Variants in CCL26 observed in about 807,000 individuals in gnomAD.
CCL26 encodes the protein C-C motif chemokine ligand 26, also known as C-C motif chemokine 26.
Under a neutral mutation model 10.7 loss-of-function variants are expected in CCL26, and 10 were observed. That is an observed-to-expected ratio of 0.93 (90% CI 0.57 to 1.58). The LOEUF (loss-of-function observed/expected upper bound fraction) is 1.58. Ranked by LOEUF, CCL26 falls within the 40% of genes most tolerant of loss-of-function variation. The probability of loss-of-function intolerance (pLI) is 0.00; values close to 1 mark genes in which losing one functional copy is unlikely to be tolerated. For missense variants in CCL26, 116 were observed against 111.0 expected (o/e 1.05, Z -0.20); for synonymous variants, 43 against 41.4 (o/e 1.04, Z -0.15).
In CCL26 at chr7:75,788,278, T is replaced by C. The variant is rs532089894; in HGVS notation, c.-79+1439A>G. ...CAAAAGAAGTGAAAATGGCCTGTTC[T>C]TGCCTTAATTGATGACATTACCTTG... On this transcript the variant is annotated intron_variant, in intron 1 of 3. Transcript: ENST00000394905. Among the ~76,000 whole-genome samples, 467 of 152,274 alleles carry C rather than the reference T, an allele frequency of 3.1e-3. 1 individual carries two copies. The highest frequency in any genetic ancestry group is 0.011 in the African/African-American group (457 of 41,570).
rs782166200 is a variant in CCL26 at position 75,789,459 on chromosome 7, C to CTTTTTTTT, written c.-79+257_-79+258insAAAAAAAA. ...TCTGGGAACATCCATTTCTCTTTTT[C>CTTTTTTTT]TCTTTTTTTTTTTTTTTTGCCAGAA... On this transcript the variant is annotated intron_variant, in intron 1 of 3. Transcript: ENST00000394905. 4.4e-3 allele frequency among the ~76,000 whole-genome samples: 458 copies of CTTTTTTTT among 104,232 alleles called. 3 individuals carry two copies. The highest frequency in any genetic ancestry group is 7.5e-3 in the East Asian group (28 of 3,718). 68.4% of individuals were successfully genotyped at this position (104,232 alleles called of 152,430 possible).
At chr7:75,790,345 G>A (rs1373793752), upstream of CCL26, among the ~76,000 whole-genome samples, 1 of 150,328 alleles carries the variant, frequency 6.7e-6, no homozygotes, top group African/African-American at 2.4e-5. Context: ...AAGATCCTGG[G>A]CTCAAGCAGT....
chr7:75,776,515 AG>A (rs1554528713), upstream of CCL26, among the ~76,000 whole-genome samples: 2 of 280 alleles, frequency 7.1e-3, no homozygotes, highest in East Asian at 0.05. Context: ...CACTCCAAAA[AG>A]GAAGGAAGGA....
intron 1 of CCL26, among the ~76,000 whole-genome samples, chr7:75,787,716 A>G (rs2115698202): frequency 9.0e-6 from 1 of 111,186 alleles, no homozygotes; most frequent in South Asian, 2.9e-4. Flanking sequence ...AAAAAAAAAA[A>G]TAAAAGGACT....
rs879986643 is a variant in CCL26 at position 75,784,989 on chromosome 7, T to C, written c.-79+4728A>G. 3.2e-4 allele frequency among the ~76,000 whole-genome samples: 49 copies of C among 152,142 alleles called. 1 individual carries two copies. The highest frequency in any genetic ancestry group is 3.2e-3 in the Admixed American group (49 of 15,268). On this transcript the variant is annotated intron_variant, in intron 1 of 3. Transcript: ENST00000394905. ...TGTTACAGCATGGGCTTCTAAAACA[T>C]AAAAGCTCTCCTTACAATTTCCCCA...
intron 1 of CCL26, among the ~76,000 whole-genome samples, chr7:75,788,127 T>G (rs1554530248): frequency 2.6e-5 from 4 of 151,960 alleles, no homozygotes; most frequent in Admixed American, 2.6e-4. Context: ...TACCACTATT[T>G]CGTTTTATTT....
At position 75,771,927 on chromosome 7, in the gene CCL26, A is replaced by G; in HGVS notation, c.150T>C (p.Tyr50=). The change falls in exon 2 of 3, where the codon TAT becomes TAC. Residue 50 remains tyrosine, a synonymous_variant. Transcript: ENST00000005180. ...KPLPWTWVRS[Y]EFTSNSCSQR... is the part of the protein sequence containing the mutation. Reference sequence around the variant, plus strand: ...GGGAGCAGCTGTTACTGGTGAATTCATAGCTTCGCACCCAGGTCCAGGGAA... The same window carrying G: ...GGGAGCAGCTGTTACTGGTGAATTCGTAGCTTCGCACCCAGGTCCAGGGAA... 1.2e-6 allele frequency: 2 copies of G among 1,614,036 alleles called. No individual in the cohort carries two copies. The highest frequency in any genetic ancestry group is 1.7e-6 in the Non-Finnish European group (2 of 1,179,896).
chr7:75,782,148 T>C (rs181348526), intron 1 of CCL26, among the ~76,000 whole-genome samples: 10 of 152,186 alleles, frequency 6.6e-5, no homozygotes, highest in South Asian at 2.1e-4. Flanking sequence ...TTCCTTTCAA[T>C]CTTGGCGCCA....
At chr7:75,781,901 C>G (rs1803072951) in intron 1 of CCL26, among the ~76,000 whole-genome samples, 1 of 152,160 alleles carries the variant, frequency 6.6e-6, no homozygotes, top group Non-Finnish European at 1.5e-5. Flanking sequence ...CACACAAAGC[C>G]TGTTTGGTGG....
At chr7:75,770,095 A>G (rs1585007792) in intron 2 of CCL26, among the ~76,000 whole-genome samples, 1 of 147,454 alleles carries the variant, frequency 6.8e-6, no homozygotes, top group Non-Finnish European at 1.5e-5. Context: ...TTTGAGACGA[A>G]CTCTCACTCT....
At chr7:75,791,067 C>G (rs1052267381), upstream of CCL26, among the ~76,000 whole-genome samples, 2 of 146,556 alleles carry the variant, frequency 1.4e-5, no homozygotes, top group Admixed American at 7.0e-5. Context: ...GCTCTTGTCA[C>G]GCAGGCTGGA....
chr7:75,787,398 A>G (rs771408718), intron 1 of CCL26, among the ~76,000 whole-genome samples: 7 of 152,102 alleles, frequency 4.6e-5, no homozygotes, highest in Non-Finnish European at 1.0e-4. Context: ...TAATCCCAGA[A>G]CTTTGGGAGG....
At chr7:75,778,369 G>A (rs1802986088) in intron 1 of CCL26, among the ~76,000 whole-genome samples, 1 of 150,294 alleles carries the variant, frequency 6.7e-6, no homozygotes, top group African/African-American at 2.5e-5. Flanking sequence ...CTACAGGTGT[G>A]TGTCACCATG....
chr7:75,785,134 A>G lies in CCL26; in HGVS notation c.-79+4583T>C, dbSNP rs576631707. Among the ~76,000 whole-genome samples the G allele has an allele frequency of 3.3e-5, 5 of 152,020 alleles. No homozygotes were observed. In the South Asian group the frequency reaches 1.0e-3, roughly 32 times the overall value. On this transcript the variant is annotated intron_variant, in intron 1 of 3. Coordinates refer to the CCL26 transcript ENST00000394905. ...CAACCCATACACTCTTTTGTCCTCA[A>G]TACCTTCCTCCACAACTCACTATTT...
chr7:75,786,853 C>T (rs1803196106), intron 1 of CCL26, among the ~76,000 whole-genome samples: 1 of 152,202 alleles, frequency 6.6e-6, no homozygotes, highest in Non-Finnish European at 1.5e-5. Context: ...TTCATAACCT[C>T]TTCCATGTAG....
At position 75,780,373 on chromosome 7, in the gene CCL26, C is replaced by T. The variant is rs552149453; in HGVS notation, c.-78-8119G>A. Among the ~76,000 whole-genome samples the T allele has an allele frequency of 1.1e-4, 17 of 152,220 alleles. No homozygotes were observed. In the South Asian group the frequency reaches 2.7e-3, roughly 24 times the overall value. ...GGCTTGCCTCCTTCACTATGGACAACCTTCCACCCTCCATTCCTCTCTCTT... is the reference window on the plus strand; with the variant it reads ...GGCTTGCCTCCTTCACTATGGACAATCTTCCACCCTCCATTCCTCTCTCTT... On this transcript the variant is annotated intron_variant, in intron 1 of 3. Coordinates refer to the CCL26 transcript ENST00000394905.
upstream of CCL26, among the ~76,000 whole-genome samples, chr7:75,776,068 C>CTTTTTT (rs534170968): frequency 2.0e-5 from 2 of 99,648 alleles, no homozygotes; most frequent in African/African-American, 3.7e-5. Flanking sequence ...AGTTCACACT[C>CTTTTTT]TTTTTTTTTT....
chr7:75,782,278 C>T (rs1158042892), intron 1 of CCL26, among the ~76,000 whole-genome samples: 5 of 152,170 alleles, frequency 3.3e-5, no homozygotes, highest in Admixed American at 6.5e-5. Flanking sequence ...GGGAAGGCAG[C>T]CTTCCCTTGG....
intron 1 of CCL26, among the ~76,000 whole-genome samples, chr7:75,778,772 C>G (rs1554529044): frequency 6.6e-6 from 1 of 151,626 alleles, no homozygotes; most frequent in Non-Finnish European, 1.5e-5. Flanking sequence ...GCCCATAAAA[C>G]TAATCTTTAA....
Sources: allele counts gnomAD v4.1 joint callset (sites outside exome capture counted in the v4.1 genomes callset), GRCh38; gene constraint gnomAD v4.1.1; transcripts MANE v1.5; gene names NCBI Gene and HGNC (gene_info 2026-07-23, HGNC 2026-07-21).